Variants in NEB observed in about 807,000 individuals in gnomAD.
NEB encodes the protein nemaline myopathy type 2.
Under a neutral mutation model 952.2 loss-of-function variants are expected in NEB, and 512 were observed. The observed-to-expected ratio is 0.54, with a 90% CI of 0.50 to 0.58. The LOEUF (loss-of-function observed/expected upper bound fraction) is 0.58, where lower values mean the gene tolerates loss of function less well. NEB is among the 20% of genes least tolerant of loss of function. NEB has a pLI of 0.00. For synonymous variants in NEB, 2,900 were observed against 3,149.8 expected (o/e 0.92, Z 2.66); for missense variants, 8,428 against 9,231.1 (o/e 0.91, Z 3.56).
chr2:151,645,717 T>C (rs191358881), intron 55 of NEB, among the ~76,000 whole-genome samples: 1 of 152,286 alleles, frequency 6.6e-6, no homozygotes, highest in Non-Finnish European at 1.5e-5. Flanking sequence ...ATAATGACAA[T>C]AAAAATGAGA....
chr2:151,535,704 T>G lies in NEB; in HGVS notation c.21299A>C (p.Gln7100Pro). 6.2e-7 allele frequency: 1 copy of G among 1,604,090 alleles called. No individual in the cohort carries two copies. Among genetic ancestry groups the G allele is most frequent in the African/African-American group, 1.3e-5 (1 of 74,894 alleles). Residue 7100 changes from glutamine (Q) to proline (P), a missense_variant, in exon 142 of 182, where the codon CAA becomes CCA. This residue lies in a region of NEB where 3,374 missense variants were observed against 3,651.5 expected (regional missense o/e 0.92). Transcript: ENST00000397345. ...ATTCATACATACCTCATTCATCAAT[T>G]GAGTTGCATACTTGAAATGCCTATT... is the stretch of plus-strand genomic sequence containing the variant. ...PINRHFKYAT[Q>P]LMNERKYKSS... is the part of the protein sequence containing the mutation.
intron 52 of NEB, among the ~76,000 whole-genome samples, chr2:151,652,063 C>T (rs952740730): frequency 6.6e-6 from 1 of 151,920 alleles, no homozygotes; most frequent in Non-Finnish European, 1.5e-5. Flanking sequence ...TGTTTGAAGA[C>T]CTATCAAGTG....
chr2:151,524,340 C>T lies in NEB; in HGVS notation c.22450G>A (p.Ala7484Thr), dbSNP rs774130547. The T allele has an allele frequency of 6.2e-7, 1 of 1,613,862 alleles. No homozygotes were observed. The highest frequency in any genetic ancestry group is 8.5e-7 in the Non-Finnish European group (1 of 1,179,868). ...SMLGRPDIEM[A>T]KKAAKLSSQV... is the part of the protein sequence containing the mutation. The stretch of plus-strand genomic sequence containing the variant: ...CTGCTCAGCTTGGCTGCCTTCTTGG[C>T]CATTTCTATGTCTGGGCGACCGAGC... The change falls in exon 153 of 182, where the codon GCC becomes ACC. Residue 7484 changes from alanine (A) to threonine (T), a missense_variant. By Grantham distance (58) the Ala-to-Thr change is moderately conservative (BLOSUM62 0). Transcript: ENST00000397345.
chr2:151,488,142 C>T (rs905263942), intron 181 of NEB, among the ~76,000 whole-genome samples: 4 of 151,878 alleles, frequency 2.6e-5, no homozygotes, highest in Non-Finnish European at 5.9e-5. Flanking sequence ...ATTTTGAGGG[C>T]GAGGGGAATA....
In NEB at chr2:151,671,234, A is replaced by T; in HGVS notation, c.4300-5T>A. 6.2e-7 allele frequency: 1 copy of T among 1,607,362 alleles called. No individual in the cohort carries two copies. The highest frequency in any genetic ancestry group is 8.5e-7 in the Non-Finnish European group (1 of 1,174,298). ...ATACTCGTCTTTATACACATTCTGTAAAAGGGTAAGCTAATATGAGAAGAT... is the reference window on the plus strand; with the variant it reads ...ATACTCGTCTTTATACACATTCTGTTAAAGGGTAAGCTAATATGAGAAGAT... On this transcript the variant is annotated splice_region_variant and splice_polypyrimidine_tract_variant and intron_variant, in intron 37 of 181. Coordinates refer to ENST00000397345, the MANE Select transcript of NEB (RefSeq NM_001164508.2).
intron 153 of NEB, chr2:151,520,063 G>T (rs753997031): frequency 9.5e-6 from 2 of 209,674 alleles, no homozygotes; most frequent in Non-Finnish European, 1.9e-5. Flanking sequence ...AATGGAAAAG[G>T]CTTCAGGCTA....
intron 179 of NEB, chr2:151,491,157 A>G (rs2056301412): frequency 6.5e-6 from 1 of 154,944 alleles, no homozygotes; most frequent in Non-Finnish European, 1.4e-5. Flanking sequence ...CAGCCCCCTG[A>G]ACAGCTGGTA....
Position 151,508,000 on chromosome 2 carries a change from CTTA to C in NEB, c.23451+2_23451+4del. On this transcript the variant is annotated splice_donor_variant and splice_donor_region_variant and intron_variant, in intron 162 of 181. Transcript: ENST00000397345. LOFTEE classifies it high-confidence loss of function. ...GGCTGTGCCTTACATTTAATAAAAA[CTTA>C]CAAGGCTGAAGTTCTTTTGGTTCTC... 2 of 1,596,944 alleles carry C rather than the reference CTTA, an allele frequency of 1.3e-6. No individual in the cohort carries two copies. The highest frequency in any genetic ancestry group is 1.7e-6 in the Non-Finnish European group (2 of 1,169,294).
At chr2:151,667,974 CCAAAA>C in intron 39 of NEB, 63 bp from the exon 40 acceptor site, 2 of 1,286,178 alleles carry the variant, frequency 1.6e-6, no homozygotes, top group Non-Finnish European at 2.2e-6. Flanking sequence ...AAACAGAATG[CCAAAA>C]TGTTTCTTAT....
At chr2:151,727,408 A>G (rs1482961186) in intron 5 of NEB, among the ~76,000 whole-genome samples, 1 of 152,224 alleles carries the variant, frequency 6.6e-6, no homozygotes, top group Non-Finnish European at 1.5e-5. Flanking sequence ...TCATTATTCT[A>G]GATTGGCTAA....
At chr2:151,668,066 T>C (rs1352132644) in intron 39 of NEB, among the ~76,000 whole-genome samples, 155 bp from the exon 40 acceptor site, 1 of 152,214 alleles carries the variant, frequency 6.6e-6, no homozygotes, top group Non-Finnish European at 1.5e-5. Context: ...TTTATGTATA[T>C]AATTGATTTT....
intron 171 of NEB, chr2:151,497,255 G>A: frequency 1.1e-6 from 1 of 887,458 alleles, no homozygotes; most frequent in East Asian, 1.2e-4. Context: ...AGCTGCTGGG[G>A]AAAGGCTGTC....
In NEB at chr2:151,567,026, C is replaced by G. The variant is rs1241572515; in HGVS notation, c.18156+142G>C. 4.2e-6 allele frequency: 3 copies of G among 707,474 alleles called. No homozygotes were observed. The African/African-American group carries it at 5.3e-5, about 13-fold the overall frequency. 43.8% of individuals were successfully genotyped at this position (707,474 alleles called of 1,614,324 possible). A position where few individuals can be genotyped will look rare whatever the true frequency, so the allele number is the denominator to read the frequency against. On this transcript the variant is annotated intron_variant, in intron 114 of 181. Transcript: ENST00000397345. ...TCCATCACTGCTCCTGATCTTTCTT[C>G]ATATCCAGCCTCAATTCCCTTTGGG... is the stretch of plus-strand genomic sequence containing the variant.
intron 156 of NEB, among the ~76,000 whole-genome samples, chr2:151,517,971 T>C (rs1398523127): frequency 6.6e-6 from 1 of 152,172 alleles, no homozygotes; most frequent in Admixed American, 6.5e-5. Flanking sequence ...ACTTCTCTGT[T>C]TGAAATCTTC....
rs2094050472 is a variant in NEB at position 151,541,431 on chromosome 2, G to A, written c.20682+16C>T. ...TGTGATGCCTGAGTGGCAGGCTTATGAACCTCTGAGCTTACCTGACTCTGA... is the reference window on the plus strand; with the variant it reads ...TGTGATGCCTGAGTGGCAGGCTTATAAACCTCTGAGCTTACCTGACTCTGA... On this transcript the variant is annotated intron_variant, in intron 136 of 181. Transcript: ENST00000397345. 1.9e-6 allele frequency: 3 copies of A among 1,593,982 alleles called. No homozygotes were observed. Among genetic ancestry groups the A allele is most frequent in the African/African-American group, 2.7e-5 (2 of 74,360 alleles).
chr2:151,610,709 A>G, intron 79 of NEB, 53 bp downstream of exon 79: 1 of 1,583,974 alleles, frequency 6.3e-7, no homozygotes, highest in South Asian at 1.1e-5. Flanking sequence ...GTTACGGTGG[A>G]AAAAGCATTT....
At chr2:151,650,499 C>A in intron 53 of NEB, 75 bp downstream of exon 53, 1 of 1,488,996 alleles carries the variant, frequency 6.7e-7, no homozygotes, top group Non-Finnish European at 9.1e-7. Flanking sequence ...CTAATTTCTG[C>A]TTCTCTTTGA....
intron 12 of NEB, among the ~76,000 whole-genome samples, chr2:151,707,363 T>C (rs2099710653): frequency 6.6e-6 from 1 of 152,198 alleles, no homozygotes; most frequent in South Asian, 2.1e-4. Context: ...CCCAGATACC[T>C]GCTGCTATAG....
In NEB at chr2:151,565,816, A is replaced by G. The variant is rs1362288800; in HGVS notation, c.18161T>C (p.Val6054Ala). 2 of 1,604,800 alleles carry G rather than the reference A, an allele frequency of 1.2e-6. No individual in the cohort carries two copies. The highest frequency in any genetic ancestry group is 1.7e-6 in the Non-Finnish European group (2 of 1,174,050). The change falls in exon 115 of 182, where the codon GTC becomes GCC. Residue 6054 changes from valine (V) to alanine (A), a missense_variant. By Grantham distance (64) the Val-to-Ala change is moderately conservative. Transcript: ENST00000397345. ...RKAYDLQSDN[V>A]YRADLEWLRG... ...GAGCCACTCCAGGTCAGCTCTGTAG[A>G]CATTCTGAGAGCAGGAAGAGAGATA...
Sources: allele counts gnomAD v4.1 joint callset (sites outside exome capture counted in the v4.1 genomes callset), GRCh38; gene constraint gnomAD v4.1.1; regional missense constraint gnomAD v4.1.1; transcripts MANE v1.5; gene names NCBI Gene and HGNC (gene_info 2026-07-23, HGNC 2026-07-21).